Variants in SCAMP1 observed in about 807,000 individuals in gnomAD.
The protein encoded by SCAMP1 is secretory carrier-associated membrane protein 1.
A neutral mutation model predicts 41.8 loss-of-function variants in SCAMP1; 15 were observed. The observed-to-expected ratio is 0.36, with a 90% confidence interval of 0.24 to 0.55. The LOEUF (loss-of-function observed/expected upper bound fraction) is 0.55, where lower values mean the gene tolerates loss of function less well. Among genes scored for constraint, SCAMP1 ranks in the 20% least tolerant of loss-of-function variants. SCAMP1 has a pLI of 0.86. For missense variants in SCAMP1, 341 were observed against 412.6 expected, an observed-to-expected ratio of 0.83 and a Z score of 1.50; for synonymous variants, 135 against 136.8, an observed-to-expected ratio of 0.99 and a Z score of 0.09.
intron 6 of SCAMP1, among the ~76,000 whole-genome samples, chr5:78,436,070 G>A (rs938239851): frequency 6.6e-6 from 1 of 151,830 alleles, no homozygotes; most frequent in Non-Finnish European, 1.5e-5. Flanking sequence ...TTTTGATGGG[G>A]TTGTTTTTTC....
chr5:78,442,234 C>G (rs1752942757), intron 6 of SCAMP1, among the ~76,000 whole-genome samples: 1 of 152,172 alleles, frequency 6.6e-6, no homozygotes, highest in Admixed American at 6.5e-5. Flanking sequence ...AGATAGGTAT[C>G]ATGGAGGCTT....
chr5:78,404,697 G>C (rs1486046068), intron 2 of SCAMP1, among the ~76,000 whole-genome samples: 1 of 152,126 alleles, frequency 6.6e-6, no homozygotes, highest in Admixed American at 6.5e-5. Flanking sequence ...CCCCAGGTGA[G>C]TTAGGCTCTG....
chr5:78,460,130 C>T (rs1035238619), intron 8 of SCAMP1, among the ~76,000 whole-genome samples: 2 of 152,160 alleles, frequency 1.3e-5, no homozygotes, highest in African/African-American at 4.8e-5. Context: ...ATATGTATCA[C>T]ATTTTCTTTA....
At chr5:78,390,033 C>T (rs973954879) in intron 2 of SCAMP1, among the ~76,000 whole-genome samples, 10 of 152,124 alleles carry the variant, frequency 6.6e-5, no homozygotes, top group African/African-American at 1.2e-4. Flanking sequence ...TCAGTATGGG[C>T]GGCAATCTGT....
intron 1 of SCAMP1, among the ~76,000 whole-genome samples, chr5:78,364,691 A>T (rs1359975547): frequency 6.6e-6 from 1 of 152,138 alleles, no homozygotes; most frequent in African/African-American, 2.4e-5. Context: ...GGATTAAAAA[A>T]TTTTGGCTCA....
intron 2 of SCAMP1, among the ~76,000 whole-genome samples, chr5:78,398,634 C>T (rs1466744175): frequency 3.4e-5 from 5 of 145,458 alleles, no homozygotes; most frequent in South Asian, 4.4e-4. Context: ...ACCTCCACCT[C>T]CTGGGTTCAA....
intron 2 of SCAMP1, among the ~76,000 whole-genome samples, chr5:78,405,332 C>T (rs946419603): frequency 6.6e-6 from 1 of 152,154 alleles, no homozygotes; most frequent in Non-Finnish European, 1.5e-5. Flanking sequence ...CGCACCCTCT[C>T]CCTGTGTATT....
intron 6 of SCAMP1, among the ~76,000 whole-genome samples, chr5:78,423,503 T>C (rs905300653): frequency 3.3e-5 from 5 of 152,206 alleles, no homozygotes; most frequent in African/African-American, 9.6e-5. Context: ...CAATATGTTA[T>C]CGATCTGTGA....
intron 7 of SCAMP1, 34 bp from the exon 8 acceptor site, chr5:78,459,211 C>T (rs1169658803): frequency 1.0e-6 from 1 of 968,356 alleles, no homozygotes; most frequent in Non-Finnish European, 1.7e-6. Flanking sequence ...TTTACATCAA[C>T]TTTTGCCTAA....
intron 2 of SCAMP1, among the ~76,000 whole-genome samples, chr5:78,405,034 G>A (rs1215233499): frequency 6.6e-6 from 1 of 152,226 alleles, no homozygotes; most frequent in Non-Finnish European, 1.5e-5. Context: ...GAGAGCTTTT[G>A]CTCTGGCAAA....
intron 8 of SCAMP1, among the ~76,000 whole-genome samples, chr5:78,460,747 T>C (rs887973300): frequency 8.0e-4 from 3 of 3,740 alleles, no homozygotes; most frequent in African/African-American, 1.8e-3. Context: ...CTTTTCTCCT[T>C]CCTTCCTTCC....
At chr5:78,440,092 A>G (rs1220978658) in intron 6 of SCAMP1, among the ~76,000 whole-genome samples, 5 of 152,154 alleles carry the variant, frequency 3.3e-5, no homozygotes. Flanking sequence ...TGTTTATTCT[A>G]GTTAGCCATT....
rs576585487 is a variant in SCAMP1, at chr5:78,469,631, A to G, written c.853-5873A>G. ...TGGTAGATTTCGTAGATTGGTGAGTATTTATAATGCTGTTCATGTGGCACT... is the reference window on the plus strand; with the variant it reads ...TGGTAGATTTCGTAGATTGGTGAGTGTTTATAATGCTGTTCATGTGGCACT... On this transcript the variant is annotated intron_variant, in intron 8 of 8. Coordinates refer to ENST00000621999, the MANE Select transcript of SCAMP1 (RefSeq NM_004866.6). Among the ~76,000 whole-genome samples, 19 of 152,060 alleles carry G rather than the reference A, an allele frequency of 1.2e-4. 1 individual carries two copies. The highest frequency in any genetic ancestry group is 4.1e-4 in the African/African-American group (17 of 41,506).
chr5:78,450,455 A>G (rs893241132), intron 7 of SCAMP1, among the ~76,000 whole-genome samples: 2 of 152,224 alleles, frequency 1.3e-5, no homozygotes, highest in Admixed American at 6.5e-5. Context: ...ACGAATATAC[A>G]TGGACACTTG....
chr5:78,452,666 T>C (rs1753269594), intron 7 of SCAMP1, among the ~76,000 whole-genome samples: 1 of 151,802 alleles, frequency 6.6e-6, no homozygotes, highest in Admixed American at 6.6e-5. Context: ...CATGTGTCTT[T>C]ATAGCAGCAT....
chr5:78,424,406 G>A (rs77596988), intron 6 of SCAMP1, among the ~76,000 whole-genome samples: 3,028 of 152,160 alleles, frequency 0.02, 115 homozygotes, highest in African/African-American at 0.068. Flanking sequence ...ACATGAAGTT[G>A]TCATTTTGTT....
At chr5:78,421,354 G>A (rs925032253) in intron 5 of SCAMP1, among the ~76,000 whole-genome samples, 1 of 152,176 alleles carries the variant, frequency 6.6e-6, no homozygotes, top group Non-Finnish European at 1.5e-5. Flanking sequence ...ACTAGAAATT[G>A]CTACTGTATT....
chr5:78,441,319 AT>A (rs1752918618), intron 6 of SCAMP1, among the ~76,000 whole-genome samples: 2 of 152,132 alleles, frequency 1.3e-5, no homozygotes, highest in Non-Finnish European at 2.9e-5. Flanking sequence ...AGCTGTTCCT[AT>A]TTGGCCGTCT....
chr5:78,439,285 A>G (rs1435740224), intron 6 of SCAMP1, among the ~76,000 whole-genome samples: 4 of 152,142 alleles, frequency 2.6e-5, no homozygotes, highest in Admixed American at 2.6e-4. Context: ...TTTGCCTGTT[A>G]ATTGATGCAG....
Sources: allele counts gnomAD v4.1 joint callset (sites outside exome capture counted in the v4.1 genomes callset), GRCh38; gene constraint gnomAD v4.1.1; transcripts MANE v1.5; gene names NCBI Gene and HGNC (gene_info 2026-07-23, HGNC 2026-07-21).